CCDC167: variants seen among roughly 807,000 people sequenced by gnomAD.
CCDC167 encodes the protein coiled-coil domain containing 167, also known as coiled-coil domain-containing protein 167.
Under a neutral mutation model 12.7 loss-of-function variants are expected in CCDC167, and 15 were observed. The ratio of observed to expected loss-of-function variants is 1.18; its 90% confidence interval spans 0.79 to 1.81. CCDC167 has a LOEUF of 1.81. Among genes scored for constraint, CCDC167 ranks in the 40% most tolerant of loss-of-function variants. The pLI, the probability that CCDC167 is intolerant of heterozygous loss-of-function variation, is 0.00. For missense variants in CCDC167, 121 were observed against 120.1 expected (o/e 1.01, Z -0.03); for synonymous variants, 52 against 49.0 (o/e 1.06, Z -0.26).
intron 1 of CCDC167, among the ~76,000 whole-genome samples, chr6:37,498,991 A>G (rs1762132458): frequency 6.6e-6 from 1 of 152,098 alleles, no homozygotes; most frequent in Non-Finnish European, 1.5e-5. Flanking sequence ...GAAGACTATG[A>G]CCCTGTACCT....
intron 1 of CCDC167, among the ~76,000 whole-genome samples, chr6:37,492,876 C>G (rs1762040897): frequency 6.6e-6 from 1 of 152,190 alleles, no homozygotes; most frequent in Non-Finnish European, 1.5e-5. Flanking sequence ...GTTCTTAGGC[C>G]TCAATTTTCC....
intron 1 of CCDC167, among the ~76,000 whole-genome samples, chr6:37,498,602 G>A (rs1044159586): frequency 8.6e-5 from 13 of 151,942 alleles, no homozygotes; most frequent in African/African-American, 3.1e-4. Flanking sequence ...CGGGCGGGCA[G>A]ATCACTTGAG....
chr6:37,497,102 G>A (rs1018927864), intron 1 of CCDC167, among the ~76,000 whole-genome samples: 4 of 152,208 alleles, frequency 2.6e-5, no homozygotes, highest in African/African-American at 9.6e-5. Context: ...TGGCCAAATG[G>A]TCTAAGGACT....
At chr6:37,489,513 C>CA (rs1277566560) in intron 1 of CCDC167, among the ~76,000 whole-genome samples, 2 of 152,216 alleles carry the variant, frequency 1.3e-5, no homozygotes, top group Admixed American at 1.3e-4. Context: ...GAGCCAGGGC[C>CA]AGGTTGCAGA....
In CCDC167 at chr6:37,499,834, GC is replaced by G. The variant is rs1466913872; in HGVS notation, c.29del (p.Gly10AlafsTer4). ...CTTTTCCCCTCACCTCTAGAGCGACGCCCAGATTCTCCCGCTTCTTTTTAGT... is the reference window on the plus strand; with the variant it reads ...CTTTTCCCCTCACCTCTAGAGCGACGCCAGATTCTCCCGCTTCTTTTTAGT... Reference protein sequence around the residue: MTKKKRENLGVALEIDGLEE... With the variant: MTKKKRENLXVALEIDGLEE... On this transcript the variant is annotated frameshift_variant, in exon 1 of 4. Transcript: ENST00000373408. LOFTEE classifies it high-confidence loss of function. 1 of 1,613,984 alleles carries G rather than the reference GC, an allele frequency of 6.2e-7. No individual in the cohort carries two copies. The highest frequency in any genetic ancestry group is 2.2e-5 in the East Asian group (1 of 44,886).
chr6:37,487,167 C>G (rs1761953686), intron 1 of CCDC167, among the ~76,000 whole-genome samples: 1 of 152,196 alleles, frequency 6.6e-6, no homozygotes, highest in Non-Finnish European at 1.5e-5. Context: ...ATGGTGCCAA[C>G]TGGCAGCCCG....
At chr6:37,483,803 C>T (rs551055194) in intron 3 of CCDC167, among the ~76,000 whole-genome samples, 53 of 152,292 alleles carry the variant, frequency 3.5e-4, no homozygotes, top group South Asian at 1.9e-3. Context: ...AATCTAGGGA[C>T]GCTAAGATGC....
chr6:37,483,407 C>A, intron 3 of CCDC167, 118 bp from the exon 4 acceptor site: 1 of 676,472 alleles, frequency 1.5e-6, no homozygotes, highest in South Asian at 1.7e-5. Flanking sequence ...TTCCAGCCAC[C>A]TCCTTACCCA....
At chr6:37,494,109 A>G (rs1367087090) in intron 1 of CCDC167, among the ~76,000 whole-genome samples, 1 of 119,356 alleles carries the variant, frequency 8.4e-6, no homozygotes, top group Non-Finnish European at 1.6e-5. Context: ...CTTGTTGCCC[A>G]GGCTAGAGTG....
At chr6:37,483,324 C>T (rs1761895663) in intron 3 of CCDC167, 35 bp from the exon 4 acceptor site, 3 of 1,449,250 alleles carry the variant, frequency 2.1e-6, no homozygotes, top group East Asian at 2.3e-5. Context: ...ATAGGACAGG[C>T]AGTTTAGGCC....
chr6:37,499,481 C>T (rs1317632080), intron 1 of CCDC167, among the ~76,000 whole-genome samples: 1 of 152,106 alleles, frequency 6.6e-6, no homozygotes, highest in African/African-American at 2.4e-5. Context: ...CTGGGGTCTC[C>T]CTCACCTCTG....
chr6:37,483,633 T>A (rs1761899399), intron 3 of CCDC167, among the ~76,000 whole-genome samples: 1 of 152,132 alleles, frequency 6.6e-6, no homozygotes, highest in South Asian at 2.1e-4. Context: ...TGCTTGCCTG[T>A]CATGGGGTTG....
At chr6:37,484,543 T>C (rs918264278) in intron 3 of CCDC167, among the ~76,000 whole-genome samples, 7 of 152,054 alleles carry the variant, frequency 4.6e-5, no homozygotes, top group African/African-American at 1.7e-4. Flanking sequence ...TGAATGATTG[T>C]CTCCTAGACC....
chr6:37,485,016 C>T, intron 2 of CCDC167, 84 bp downstream of exon 2: 2 of 1,460,388 alleles, frequency 1.4e-6, no homozygotes, highest in East Asian at 4.5e-5. Context: ...CCCTCTGCCT[C>T]AGGCCTACTT....
intron 1 of CCDC167, among the ~76,000 whole-genome samples, chr6:37,489,553 A>C (rs571119242): frequency 6.6e-6 from 1 of 152,304 alleles, no homozygotes; most frequent in African/African-American, 2.4e-5. Flanking sequence ...CTAGCGTGAG[A>C]GGCCTGGAGC....
chr6:37,489,039 C>T (rs935584167), intron 1 of CCDC167, among the ~76,000 whole-genome samples: 2 of 152,062 alleles, frequency 1.3e-5, no homozygotes, highest in African/African-American at 4.8e-5. Context: ...AGATCCAGAC[C>T]ATCCTGGCCA....
intron 1 of CCDC167, among the ~76,000 whole-genome samples, chr6:37,486,535 C>T (rs887154982): frequency 4.6e-5 from 7 of 152,196 alleles, no homozygotes; most frequent in African/African-American, 1.2e-4. Context: ...TCCTTCTTCC[C>T]GAGGGAGGCC....
At chr6:37,499,744 A>G in intron 1 of CCDC167, 78 bp downstream of exon 1, 1 of 1,497,102 alleles carries the variant, frequency 6.7e-7, no homozygotes, top group Non-Finnish European at 9.3e-7. Context: ...CCTCCTATCT[A>G]TAGCCCAGCC....
rs1561796673 is a variant in CCDC167 at position 37,483,222 on chromosome 6, G to A, written c.258C>T (p.Ile86=). ...AGTAGGCATAGACGAGCGTCAGGAG[G>A]ATAAAGATGGCCACAGAGAGCAGCA... ...KNMLLSVAIF[I]LLTLVYAYWT... Residue 86 remains isoleucine (I), a synonymous_variant, in exon 4 of 4, where the codon ATC becomes ATT. Coordinates refer to ENST00000373408, the MANE Select transcript of CCDC167 (RefSeq NM_138493.3). The A allele has an allele frequency of 1.2e-6, 2 of 1,614,168 alleles. No individual in the cohort carries two copies. Among genetic ancestry groups the A allele is most frequent in the Non-Finnish European group, 8.5e-7 (1 of 1,179,994 alleles).
Sources: allele counts gnomAD v4.1 joint callset (sites outside exome capture counted in the v4.1 genomes callset), GRCh38; gene constraint gnomAD v4.1.1; transcripts MANE v1.5; gene names NCBI Gene and HGNC (gene_info 2026-07-23, HGNC 2026-07-21).